CREB5: variants seen among roughly 807,000 people sequenced by gnomAD.
CREB5 encodes cAMP responsive element binding protein 5.
In CREB5, 19 loss-of-function variants were observed where a neutral mutation model predicts 57.1. That is an observed-to-expected ratio of 0.33 (90% CI 0.23 to 0.49). CREB5 has a LOEUF of 0.49. Among genes scored for constraint, CREB5 ranks in the 20% least tolerant of loss-of-function variants. CREB5 has a pLI of 0.99. For synonymous variants in CREB5, 238 were observed against 238.3 expected, an observed-to-expected ratio of 1.00 and a Z score of 0.01; for missense variants, 579 against 671.6, an observed-to-expected ratio of 0.86 and a Z score of 1.52.
chr7:28,508,039 G>T (rs1792555581), intron 4 of CREB5, among the ~76,000 whole-genome samples: 1 of 152,260 alleles, frequency 6.6e-6, no homozygotes, highest in Non-Finnish European at 1.5e-5. Context: ...AGAGCCAATG[G>T]GTGAGAGAAC....
chr7:28,683,275 T>C (rs550944596), intron 5 of CREB5, among the ~76,000 whole-genome samples: 16 of 152,130 alleles, frequency 1.1e-4, no homozygotes, highest in African/African-American at 3.4e-4. Flanking sequence ...TCTCTTTAGC[T>C]GCTCACAGGA....
chr7:28,749,546 T>C (rs190751049), intron 7 of CREB5: 175 of 152,338 alleles, frequency 1.1e-3, no homozygotes, highest in African/African-American at 4.1e-3. Context: ...GAACAAGAAA[T>C]CACTGGATAC....
chr7:28,571,484 C>T (rs1250032520), intron 5 of CREB5, among the ~76,000 whole-genome samples: 2 of 152,128 alleles, frequency 1.3e-5, no homozygotes, highest in African/African-American at 4.8e-5. Flanking sequence ...AGAAAGCAGG[C>T]CCCTCTCTCT....
At chr7:28,572,863 C>T (rs183408379) in intron 5 of CREB5, among the ~76,000 whole-genome samples, 3 of 152,206 alleles carry the variant, frequency 2.0e-5, no homozygotes, top group Non-Finnish European at 4.4e-5. Flanking sequence ...TCCATCTTCC[C>T]ATTTATTCTC....
intron 1 of CREB5, among the ~76,000 whole-genome samples, chr7:28,428,857 T>C (rs1203481186): frequency 1.3e-5 from 2 of 152,036 alleles, no homozygotes; most frequent in Non-Finnish European, 2.9e-5. Flanking sequence ...GGATATCAGG[T>C]CCTCACAGGG....
chr7:28,356,363 G>C (rs1263086320), intron 1 of CREB5, among the ~76,000 whole-genome samples: 1 of 152,168 alleles, frequency 6.6e-6, no homozygotes, highest in Non-Finnish European at 1.5e-5. Flanking sequence ...GCATACATGG[G>C]TTTGTGTGAA....
chr7:28,737,058 A>T (rs1804024767), intron 7 of CREB5, among the ~76,000 whole-genome samples: 1 of 152,098 alleles, frequency 6.6e-6, no homozygotes, highest in Non-Finnish European at 1.5e-5. Context: ...CCCCAGTGGA[A>T]GCTCAAATCA....
intron 1 of CREB5, among the ~76,000 whole-genome samples, chr7:28,404,054 T>A (rs770426357): frequency 6.6e-6 from 1 of 152,198 alleles, no homozygotes; most frequent in Non-Finnish European, 1.5e-5. Flanking sequence ...ACATATGTAT[T>A]TTGTTCTTAC....
At chr7:28,610,909 G>A (rs911604255) in intron 5 of CREB5, among the ~76,000 whole-genome samples, 7 of 151,866 alleles carry the variant, frequency 4.6e-5, no homozygotes, top group African/African-American at 1.7e-4. Context: ...GTGTGTGTGT[G>A]AGAGAGAGAG....
chr7:28,398,433 C>T (rs1787381517), intron 1 of CREB5, among the ~76,000 whole-genome samples: 1 of 152,140 alleles, frequency 6.6e-6, no homozygotes, highest in African/African-American at 2.4e-5. Context: ...GCAAGAAGGC[C>T]AGGATGTTGT....
intron 5 of CREB5, among the ~76,000 whole-genome samples, chr7:28,570,752 G>A (rs1178937878): frequency 2.0e-5 from 3 of 151,994 alleles, no homozygotes; most frequent in Admixed American, 1.3e-4. Context: ...GGGTAGGGTG[G>A]GGAGCAAGTC....
chr7:28,465,932 C>T (rs1389326531), intron 1 of CREB5, among the ~76,000 whole-genome samples: 4 of 152,040 alleles, frequency 2.6e-5, no homozygotes, highest in Non-Finnish European at 5.9e-5. Context: ...TTTCTCTTGC[C>T]TCTCTGCAAT....
At chr7:28,458,987 G>T (rs891468584) in intron 1 of CREB5, among the ~76,000 whole-genome samples, 3 of 152,152 alleles carry the variant, frequency 2.0e-5, no homozygotes, top group South Asian at 2.1e-4. Context: ...GATGTAATGG[G>T]CTGGGTCGAT....
At chr7:28,341,484 A>G (rs577243555) in intron 1 of CREB5, among the ~76,000 whole-genome samples, 9 of 152,300 alleles carry the variant, frequency 5.9e-5, no homozygotes, top group African/African-American at 2.2e-4. Flanking sequence ...TCTGACTCTT[A>G]CCTCAAGATG....
At chr7:28,381,112 T>C (rs1786958523) in intron 1 of CREB5, among the ~76,000 whole-genome samples, 1 of 152,186 alleles carries the variant, frequency 6.6e-6, no homozygotes, top group South Asian at 2.1e-4. Flanking sequence ...TTGACCTCTC[T>C]TTACCCTCCC....
At chr7:28,805,032 C>T (rs1031389451) in intron 8 of CREB5, among the ~76,000 whole-genome samples, 8 of 152,132 alleles carry the variant, frequency 5.3e-5, no homozygotes, top group African/African-American at 1.9e-4. Context: ...AGTAACAATT[C>T]AAGGCAGACA....
intron 6 of CREB5, among the ~76,000 whole-genome samples, chr7:28,724,020 A>G (rs1473229442): frequency 1.3e-5 from 2 of 152,196 alleles, no homozygotes; most frequent in Non-Finnish European, 2.9e-5. Flanking sequence ...CACCCTGTAT[A>G]GAAGCACGGC....
At chr7:28,560,945 TGTGTGCGTGTGTGTGCGTGTGTGTGTGC>T (rs1795205824) in intron 4 of CREB5, among the ~76,000 whole-genome samples, 1 of 23,776 alleles carries the variant, frequency 4.2e-5, no homozygotes, top group Admixed American at 5.1e-4. Context: ...TGCGTGCGTG[TGTGTGCGTGTGTGTGCGTGTGTGTGTGC>T]GTGTGTGCGT....
intron 7 of CREB5, among the ~76,000 whole-genome samples, chr7:28,784,838 C>T (rs1260577240): frequency 6.6e-6 from 1 of 152,156 alleles, no homozygotes. Flanking sequence ...AGTGCAAAGG[C>T]CTCACCAGAG....
Sources: gnomAD v4.1 joint callset for allele counts (sites outside exome capture counted in the v4.1 genomes callset) on GRCh38, gnomAD v4.1.1 for gene constraint, MANE v1.5 for transcripts, NCBI Gene and HGNC (gene_info 2026-07-23, HGNC 2026-07-21) for gene names.